OSBPL1A: variants seen among roughly 807,000 people sequenced by gnomAD.
OSBPL1A encodes oxysterol binding protein like 1A.
In OSBPL1A, 80 loss-of-function variants were observed where a neutral mutation model predicts 137.1. The observed-to-expected ratio is 0.58, with a 90% CI of 0.49 to 0.70. The LOEUF is 0.70. Ranked by LOEUF, OSBPL1A falls within the 30% of genes least tolerant of loss-of-function variation. The pLI, the probability that OSBPL1A is intolerant of heterozygous loss-of-function variation, is 0.00. For synonymous variants in OSBPL1A, 365 were observed against 389.7 expected, an observed-to-expected ratio of 0.94 and a Z score of 0.75; for missense variants, 970 against 1,129.4, an observed-to-expected ratio of 0.86 and a Z score of 2.02.
intron 15 of OSBPL1A, among the ~76,000 whole-genome samples, chr18:24,264,757 G>A (rs891434266): frequency 2.0e-5 from 3 of 152,138 alleles, no homozygotes; most frequent in African/African-American, 7.2e-5. Flanking sequence ...ACATCCGCTT[G>A]GGCTGTCTAA....
chr18:24,393,502 G>C (rs1338352868), intron 1 of OSBPL1A, among the ~76,000 whole-genome samples: 1 of 151,868 alleles, frequency 6.6e-6, no homozygotes, highest in Non-Finnish European at 1.5e-5. Flanking sequence ...GCCTAGGCTG[G>C]AGTGCAGTGG....
intron 1 of OSBPL1A, among the ~76,000 whole-genome samples, chr18:24,395,841 C>T (rs1177410774): frequency 2.7e-5 from 4 of 150,840 alleles, no homozygotes; most frequent in Non-Finnish European, 3.0e-5. Context: ...AGGCTGCTCT[C>T]GAACTCCTGA....
At chr18:24,277,885 A>G (rs1038831892) in intron 15 of OSBPL1A, among the ~76,000 whole-genome samples, 1 of 152,250 alleles carries the variant, frequency 6.6e-6, no homozygotes, top group African/African-American at 2.4e-5. Context: ...ATAATTTCAT[A>G]TAATTACTCA....
Position 24,333,098 on chromosome 18 carries a change from A to G in OSBPL1A, c.481-12T>C. The G allele has an allele frequency of 6.2e-7, 1 of 1,612,506 alleles. No homozygotes were observed. Reference sequence around the variant, plus strand: ...TTGGGCCTGTTGAGCTAACAATTAAAAAAATGCAATGCAGAATTATATATC... The same window carrying G: ...TTGGGCCTGTTGAGCTAACAATTAAGAAAATGCAATGCAGAATTATATATC... On this transcript the variant is annotated splice_polypyrimidine_tract_variant and intron_variant, in intron 6 of 27. Transcript: ENST00000319481.
chr18:24,384,950 G>T (rs7242153), intron 1 of OSBPL1A, among the ~76,000 whole-genome samples: 3,383 of 143,878 alleles, frequency 0.024, 149 homozygotes, highest in African/African-American at 0.079. Context: ...AGCAGTTATA[G>T]GTTAGAATTT....
chr18:24,206,340 C>A (rs1320190249), intron 17 of OSBPL1A, among the ~76,000 whole-genome samples: 1 of 152,182 alleles, frequency 6.6e-6, no homozygotes, highest in Non-Finnish European at 1.5e-5. Context: ...AACAAAGAAT[C>A]TTTAAGCAGA....
At chr18:24,304,203 C>T (rs2090458243) in intron 13 of OSBPL1A, among the ~76,000 whole-genome samples, 1 of 152,106 alleles carries the variant, frequency 6.6e-6, no homozygotes. Context: ...GCATACAGCC[C>T]CCACATCATC....
chr18:24,354,918 T>C (rs2091506179), intron 4 of OSBPL1A, among the ~76,000 whole-genome samples: 1 of 152,068 alleles, frequency 6.6e-6, no homozygotes, highest in African/African-American at 2.4e-5. Context: ...TGCCACTCAT[T>C]ACCATAACTG....
At chr18:24,198,568 A>T (rs1179324866) in intron 17 of OSBPL1A, among the ~76,000 whole-genome samples, 1 of 152,112 alleles carries the variant, frequency 6.6e-6, no homozygotes, top group African/African-American at 2.4e-5. Flanking sequence ...CTTCCGTAGG[A>T]CACGCAGAGC....
chr18:24,266,450 A>G (rs1255028433), intron 15 of OSBPL1A, among the ~76,000 whole-genome samples: 1 of 152,200 alleles, frequency 6.6e-6, no homozygotes, highest in African/African-American at 2.4e-5. Context: ...AGGAGAGAGA[A>G]AACAAGGGAG....
At chr18:24,289,869 T>C (rs936740599) in intron 14 of OSBPL1A, among the ~76,000 whole-genome samples, 1 of 152,180 alleles carries the variant, frequency 6.6e-6, no homozygotes, top group Non-Finnish European at 1.5e-5. Context: ...TAGTTGTATA[T>C]ACTGCATAGG....
chr18:24,374,336 C>T (rs1905916743), intron 2 of OSBPL1A, among the ~76,000 whole-genome samples: 2 of 151,798 alleles, frequency 1.3e-5, no homozygotes, highest in Non-Finnish European at 2.9e-5. Flanking sequence ...GAGGAAGTAG[C>T]AAAAAGAATA....
intron 4 of OSBPL1A, among the ~76,000 whole-genome samples, chr18:24,356,729 T>C (rs2091543119): frequency 6.6e-6 from 1 of 152,064 alleles, no homozygotes; most frequent in Non-Finnish European, 1.5e-5. Flanking sequence ...CAATATCCCA[T>C]ATGGGAAGGG....
chr18:24,336,115 G>T (rs28651020), intron 5 of OSBPL1A, among the ~76,000 whole-genome samples: 6,323 of 152,226 alleles, frequency 0.042, 375 homozygotes, highest in African/African-American at 0.14. Flanking sequence ...TGACCTGTAA[G>T]TTATCCCCTC....
In OSBPL1A at chr18:24,324,635, T is replaced by G. The variant is rs576033551; in HGVS notation, c.626-5826A>C. Among the ~76,000 whole-genome samples, 12 of 110,930 alleles carry G rather than the reference T, an allele frequency of 1.1e-4. No homozygotes were observed. The East Asian group carries it at 4.1e-3, about 38-fold the overall frequency. 72.8% of individuals were successfully genotyped at this position (110,930 alleles called of 152,430 possible). On this transcript the variant is annotated intron_variant, in intron 7 of 27. Coordinates refer to ENST00000319481, the MANE Select transcript of OSBPL1A (RefSeq NM_080597.4). The stretch of plus-strand genomic sequence containing the variant: ...AAAAAAAAAAAAAAAAAAAAAAAAA[T>G]TAGCCAGGTGCGGTGGCGCATGCCT...
chr18:24,304,681 A>G (rs2090467612), intron 13 of OSBPL1A, among the ~76,000 whole-genome samples: 1 of 152,122 alleles, frequency 6.6e-6, no homozygotes, highest in African/African-American at 2.4e-5. Context: ...TGCACCCCCA[A>G]AATCAAACTT....
intron 15 of OSBPL1A, among the ~76,000 whole-genome samples, chr18:24,263,685 G>A (rs913216674): frequency 2.6e-5 from 4 of 151,770 alleles, no homozygotes; most frequent in Non-Finnish European, 5.9e-5. Context: ...ACCCAGGCTG[G>A]AGTGCAGTGG....
intron 16 of OSBPL1A, among the ~76,000 whole-genome samples, chr18:24,231,792 T>C (rs1437066268): frequency 6.6e-6 from 1 of 152,120 alleles, no homozygotes; most frequent in African/African-American, 2.4e-5. Flanking sequence ...TTTCCAAGAG[T>C]TGATTTGTTA....
chr18:24,354,014 A>G (rs2078642933), intron 4 of OSBPL1A, among the ~76,000 whole-genome samples: 1 of 151,966 alleles, frequency 6.6e-6, no homozygotes, highest in African/African-American at 2.4e-5. Flanking sequence ...ACATGTATAC[A>G]TATGTAACAA....
Sources: gnomAD v4.1 joint callset for allele counts (sites outside exome capture counted in the v4.1 genomes callset) on GRCh38, gnomAD v4.1.1 for gene constraint, MANE v1.5 for transcripts, NCBI Gene and HGNC (gene_info 2026-07-23, HGNC 2026-07-21) for gene names.